Variants in PTPRR observed in about 807,000 individuals in gnomAD.
PTPRR encodes the protein protein tyrosine phosphatase receptor type R.
PTPRR carries 38 observed loss-of-function variants against 77.2 expected under a neutral mutation model. The ratio of observed to expected loss-of-function variants is 0.49; its 90% confidence interval spans 0.38 to 0.65. The LOEUF is 0.65. Ranked by LOEUF, PTPRR falls within the 30% of genes least tolerant of loss-of-function variation. The probability of loss-of-function intolerance (pLI) is 0.00; values close to 1 mark genes in which losing one functional copy is unlikely to be tolerated. For missense variants in PTPRR, 744 were observed against 799.2 expected, an observed-to-expected ratio of 0.93 and a Z score of 0.83; for synonymous variants, 299 against 283.1, an observed-to-expected ratio of 1.06 and a Z score of -0.57.
chr12:70,777,291 G>GT (rs1185623560), intron 2 of PTPRR, among the ~76,000 whole-genome samples: 4 of 151,248 alleles, frequency 2.6e-5, no homozygotes, highest in Admixed American at 6.6e-5. Context: ...GCTATTTTAT[G>GT]TTTTTTTGTT....
chr12:70,826,366 C>G (rs967411786), intron 2 of PTPRR, among the ~76,000 whole-genome samples: 1 of 152,178 alleles, frequency 6.6e-6, no homozygotes, highest in Non-Finnish European at 1.5e-5. Flanking sequence ...CATCTCATTG[C>G]GGCCCAGTGA....
At chr12:70,702,573 T>G (rs1217792256) in intron 6 of PTPRR, among the ~76,000 whole-genome samples, 1 of 152,160 alleles carries the variant, frequency 6.6e-6, no homozygotes, top group Non-Finnish European at 1.5e-5. Context: ...AGTGGAAAAT[T>G]ATTGGAATAT....
chr12:70,775,554 A>T (rs553512893), intron 2 of PTPRR, among the ~76,000 whole-genome samples: 1 of 152,320 alleles, frequency 6.6e-6, no homozygotes, highest in South Asian at 2.1e-4. Context: ...TGAAGTTATT[A>T]GGCAGCCTGG....
chr12:70,792,059 G>T (rs7960912), intron 2 of PTPRR, among the ~76,000 whole-genome samples: 127,525 of 152,116 alleles, frequency 0.84, 54,000 homozygotes, highest in East Asian at 0.94. Flanking sequence ...TTCAAAGTCA[G>T]ACTGGGTCTG....
chr12:70,698,412 G>T (rs73329578), intron 7 of PTPRR, 63 bp from the exon 8 acceptor site: 3 of 1,398,834 alleles, frequency 2.1e-6, no homozygotes, highest in East Asian at 2.3e-5. Context: ...ATCTTCACAG[G>T]GGGGCATCTG....
intron 6 of PTPRR, among the ~76,000 whole-genome samples, chr12:70,713,412 T>TA (rs1265869759): frequency 6.6e-6 from 1 of 152,178 alleles, no homozygotes; most frequent in Non-Finnish European, 1.5e-5. Flanking sequence ...GGTATACACC[T>TA]AGGAATGGAA....
intron 2 of PTPRR, among the ~76,000 whole-genome samples, chr12:70,768,246 A>G (rs1216180677): frequency 1.3e-5 from 2 of 152,200 alleles, no homozygotes; most frequent in African/African-American, 4.8e-5. Flanking sequence ...TGAAAGGATC[A>G]ACAAAATTGA....
intron 13 of PTPRR, among the ~76,000 whole-genome samples, chr12:70,642,896 A>G (rs578196670): frequency 6.6e-6 from 1 of 152,304 alleles, no homozygotes; most frequent in African/African-American, 2.4e-5. Flanking sequence ...CATGCCTATA[A>G]CCCCAGCACT....
At chr12:70,766,271 A>G (rs1490250313) in intron 2 of PTPRR, among the ~76,000 whole-genome samples, 4 of 152,212 alleles carry the variant, frequency 2.6e-5, no homozygotes, top group African/African-American at 9.7e-5. Flanking sequence ...TTTGAAAAAA[A>G]TTTAGACAAA....
chr12:70,892,672 T>A lies in PTPRR; in HGVS notation c.357+7A>T, dbSNP rs921093279. On this transcript the variant is annotated splice_region_variant and intron_variant, in intron 2 of 13. Transcript: ENST00000283228. ...CAGCCTCAGCATCAGTTTAACATAC[T>A]ACTTACCACCACAATTACATTTGCT... 8.7e-6 allele frequency: 14 copies of A among 1,612,666 alleles called. No homozygotes were observed. The highest frequency in any genetic ancestry group is 1.1e-5 in the Non-Finnish European group (13 of 1,178,898).
chr12:70,722,500 T>C (rs934977782), intron 6 of PTPRR, among the ~76,000 whole-genome samples: 1 of 152,182 alleles, frequency 6.6e-6, no homozygotes, highest in African/African-American at 2.4e-5. Flanking sequence ...TTAAGAGTCA[T>C]AAACCATGAG....
At chr12:70,692,535 T>C (rs1888090784) in intron 8 of PTPRR, among the ~76,000 whole-genome samples, 1 of 152,200 alleles carries the variant, frequency 6.6e-6, no homozygotes, top group Admixed American at 6.5e-5. Flanking sequence ...CTTAGCAAGA[T>C]AGAGCAGATC....
intron 2 of PTPRR, among the ~76,000 whole-genome samples, chr12:70,832,052 T>C (rs1185266477): frequency 6.6e-6 from 1 of 152,238 alleles, no homozygotes; most frequent in Non-Finnish European, 1.5e-5. Flanking sequence ...TTACTCTCAA[T>C]GTCTAGAATA....
At chr12:70,691,843 C>T (rs1300007156) in intron 8 of PTPRR, among the ~76,000 whole-genome samples, 1 of 152,128 alleles carries the variant, frequency 6.6e-6, no homozygotes, top group Non-Finnish European at 1.5e-5. Context: ...GTCTCCCTGC[C>T]TTCAATCTTG....
intron 5 of PTPRR, among the ~76,000 whole-genome samples, chr12:70,752,614 C>T (rs1235604344): frequency 2.6e-5 from 4 of 152,210 alleles, no homozygotes; most frequent in Non-Finnish European, 5.9e-5. Context: ...CATGACTCTG[C>T]TTTCCCACTT....
At chr12:70,799,409 C>T (rs930553757) in intron 2 of PTPRR, among the ~76,000 whole-genome samples, 3 of 152,110 alleles carry the variant, frequency 2.0e-5, no homozygotes, top group Non-Finnish European at 2.9e-5. Flanking sequence ...TTTATTTCCT[C>T]TAAAATAAAG....
chr12:70,818,128 C>T (rs1214179131), intron 2 of PTPRR, among the ~76,000 whole-genome samples: 1 of 151,728 alleles, frequency 6.6e-6, no homozygotes, highest in Non-Finnish European at 1.5e-5. Context: ...AGGAGAATCT[C>T]CTGAACCCAG....
At chr12:70,834,278 C>G (rs1003070704) in intron 2 of PTPRR, among the ~76,000 whole-genome samples, 4 of 152,076 alleles carry the variant, frequency 2.6e-5, no homozygotes, top group African/African-American at 9.7e-5. Flanking sequence ...TGCTTTTGCT[C>G]CATATTTATG....
intron 2 of PTPRR, among the ~76,000 whole-genome samples, chr12:70,813,566 C>T (rs1247241883): frequency 6.6e-6 from 1 of 152,184 alleles, no homozygotes; most frequent in Non-Finnish European, 1.5e-5. Flanking sequence ...GAGTTAGTGA[C>T]TCTTCTGCCT....
Sources: allele counts gnomAD v4.1 joint callset (sites outside exome capture counted in the v4.1 genomes callset), GRCh38; gene constraint gnomAD v4.1.1; transcripts MANE v1.5; gene names NCBI Gene and HGNC (gene_info 2026-07-23, HGNC 2026-07-21).